The following RASAL2 variants were observed in gnomAD, a reference collection of about 807,000 sequenced individuals.
RASAL2 encodes the protein ras GTPase-activating protein nGAP.
RASAL2 carries 58 observed loss-of-function variants against 128.9 expected under a neutral mutation model. The observed-to-expected ratio is 0.45, with a 90% CI of 0.36 to 0.56. RASAL2 has a LOEUF of 0.56. RASAL2 is among the 20% of genes least tolerant of loss of function. The pLI, the probability that RASAL2 is intolerant of heterozygous loss-of-function variation, is 0.00. For synonymous variants in RASAL2, 561 were observed against 580.8 expected, an observed-to-expected ratio of 0.97 and a Z score of 0.49; for missense variants, 1,360 against 1,601.6, an observed-to-expected ratio of 0.85 and a Z score of 2.57.
chr1:178,212,629 C>A (rs891005549), intron 1 of RASAL2, among the ~76,000 whole-genome samples: 2 of 151,966 alleles, frequency 1.3e-5, no homozygotes, highest in Non-Finnish European at 2.9e-5. Context: ...GTAGGTGGGA[C>A]TACAGGTATG....
Position 178,332,696 on chromosome 1 carries a change from C to T in RASAL2, c.457+32578C>T, listed in dbSNP as rs1201888793. ...GCGCGATCTTGGCTCACTGCAAGCT[C>T]CACCTCCCGGGTTCACGCCATTCTC... On this transcript the variant is annotated intron_variant, in intron 3 of 17. Transcript: ENST00000367649. Among the ~76,000 whole-genome samples, 24 of 150,354 alleles carry T rather than the reference C, an allele frequency of 1.6e-4. No individual in the cohort carries two copies. In the South Asian group the frequency reaches 3.8e-3, roughly 24 times the overall value.
rs934550575 is a variant in RASAL2, at chr1:178,345,831, G to A, written c.458-44269G>A. Reference sequence around the variant, plus strand: ...TTGAGTTTGTTCAGTCAAAGGACAAGGGAAGATGTGATAAGTCTATTAACA... The same window carrying A: ...TTGAGTTTGTTCAGTCAAAGGACAAAGGAAGATGTGATAAGTCTATTAACA... On this transcript the variant is annotated intron_variant, in intron 3 of 17. Coordinates refer to ENST00000367649, the MANE Select transcript of RASAL2 (RefSeq NM_170692.4). 2.7e-4 allele frequency among the ~76,000 whole-genome samples: 41 copies of A among 152,180 alleles called. 1 individual carries two copies. Among genetic ancestry groups the A allele is most frequent in the Non-Finnish European group, 1.0e-4 (7 of 68,032 alleles).
intron 3 of RASAL2, among the ~76,000 whole-genome samples, chr1:178,354,840 G>T (rs1670716707): frequency 6.6e-6 from 1 of 152,186 alleles, no homozygotes; most frequent in South Asian, 2.1e-4. Flanking sequence ...CTACGTTTCT[G>T]GAGTTGGAAA....
chr1:178,128,100 C>T (rs1050185831), intron 1 of RASAL2, among the ~76,000 whole-genome samples: 3 of 152,176 alleles, frequency 2.0e-5, no homozygotes, highest in East Asian at 1.9e-4. Flanking sequence ...TTCATCAACC[C>T]GGTTCTTCTG....
chr1:178,398,057 AAAT>A (rs1189401795), intron 4 of RASAL2, among the ~76,000 whole-genome samples: 2 of 152,058 alleles, frequency 1.3e-5, no homozygotes, highest in Non-Finnish European at 2.9e-5. Context: ...TTATAAATTG[AAAT>A]AATGTTTTAG....
intron 2 of RASAL2, among the ~76,000 whole-genome samples, chr1:178,284,565 A>T (rs1000241413): frequency 7.2e-5 from 11 of 152,194 alleles, no homozygotes; most frequent in Non-Finnish European, 1.2e-4. Context: ...AAAAACTCTT[A>T]AACTTATCAC....
chr1:178,357,835 A>G (rs1670890681), intron 3 of RASAL2, among the ~76,000 whole-genome samples: 1 of 152,124 alleles, frequency 6.6e-6, no homozygotes, highest in African/African-American at 2.4e-5. Flanking sequence ...AGTTTATTTG[A>G]CTACTGTATA....
intron 1 of RASAL2, among the ~76,000 whole-genome samples, chr1:178,108,080 A>C (rs144762030): frequency 6.6e-6 from 1 of 152,170 alleles, no homozygotes; most frequent in Non-Finnish European, 1.5e-5. Flanking sequence ...CCAGCAATGC[A>C]CGAGGGTTCC....
rs142676729 is a variant in RASAL2 at position 178,307,340 on chromosome 1, A to G, written c.457+7222A>G. Among the ~76,000 whole-genome samples the G allele has an allele frequency of 2.3e-3, 343 of 152,302 alleles. 5 individuals are homozygous for G. Among genetic ancestry groups the G allele is most frequent in the African/African-American group, 7.9e-3 (327 of 41,562 alleles). ...CTTAAGGCATGTGTGCATCATGTCT[A>G]AAGTACCCACTTCCAGATTTAGAAA... On this transcript the variant is annotated intron_variant, in intron 3 of 17. Transcript: ENST00000367649.
intron 1 of RASAL2, among the ~76,000 whole-genome samples, chr1:178,227,192 G>GT (rs1434674020): frequency 6.7e-6 from 1 of 149,718 alleles, no homozygotes; most frequent in Admixed American, 6.7e-5. Flanking sequence ...CAAACTTCCA[G>GT]TTTAAAAAAA....
intron 3 of RASAL2, among the ~76,000 whole-genome samples, chr1:178,302,721 T>G (rs1482619706): frequency 6.6e-6 from 1 of 152,154 alleles, no homozygotes; most frequent in Non-Finnish European, 1.5e-5. Flanking sequence ...GTGAGAAGAC[T>G]TAATTACTAG....
intron 5 of RASAL2, among the ~76,000 whole-genome samples, chr1:178,424,694 T>C (rs1364321245): frequency 5.3e-5 from 8 of 152,100 alleles, no homozygotes; most frequent in Admixed American, 5.2e-4. Context: ...ACTCCTGGGC[T>C]CAAGTGATTT....
intron 9 of RASAL2, among the ~76,000 whole-genome samples, chr1:178,447,158 T>G (rs965056102): frequency 6.6e-6 from 1 of 152,044 alleles, no homozygotes; most frequent in African/African-American, 2.4e-5. Flanking sequence ...CTTAGCAGAC[T>G]GATTAAGACG....
At chr1:178,444,724 A>C (rs577690703) in intron 8 of RASAL2, among the ~76,000 whole-genome samples, 6 of 152,184 alleles carry the variant, frequency 3.9e-5, no homozygotes, top group Non-Finnish European at 8.8e-5. Flanking sequence ...GGCAGACAGA[A>C]AGATAGCCTA....
At chr1:178,228,115 T>G (rs1289331788) in intron 1 of RASAL2, among the ~76,000 whole-genome samples, 1 of 152,228 alleles carries the variant, frequency 6.6e-6, no homozygotes, top group Non-Finnish European at 1.5e-5. Flanking sequence ...AATTAAATTT[T>G]AGCTAGCCGT....
At chr1:178,354,880 T>C (rs760457360) in intron 3 of RASAL2, among the ~76,000 whole-genome samples, 1 of 152,244 alleles carries the variant, frequency 6.6e-6, no homozygotes, top group African/African-American at 2.4e-5. Flanking sequence ...ACTTTTACCC[T>C]AAATTCCTTT....
chr1:178,404,225 CAA>C (rs547639078), intron 4 of RASAL2, among the ~76,000 whole-genome samples: 14 of 57,114 alleles, frequency 2.5e-4, no homozygotes, highest in Admixed American at 3.8e-4. Context: ...GACCCCGTCT[CAA>C]AAAAAAAAAA....
rs1198751628 is a variant in RASAL2 at position 178,443,243 on chromosome 1, G to T, written c.1482+14G>T. 6.4e-7 allele frequency: 1 copy of T among 1,574,332 alleles called. No individual in the cohort carries two copies. The highest frequency in any genetic ancestry group is 8.7e-7 in the Non-Finnish European group (1 of 1,149,474). On this transcript the variant is annotated intron_variant, in intron 8 of 17. Coordinates refer to ENST00000367649, the MANE Select transcript of RASAL2 (RefSeq NM_170692.4). ...GGCAGAGCCAAGGTAAGTGGAAAAGGGGGATTGCAGTACCTGAAGTCTCTT... is the reference window on the plus strand; with the variant it reads ...GGCAGAGCCAAGGTAAGTGGAAAAGTGGGATTGCAGTACCTGAAGTCTCTT...
chr1:178,470,674 C>A (rs1413280546), intron 17 of RASAL2: 1 of 1,364,434 alleles, frequency 7.3e-7, no homozygotes. Flanking sequence ...AGTGATATCT[C>A]CGCTGTGTTA....
Sources: gnomAD v4.1 joint callset for allele counts (sites outside exome capture counted in the v4.1 genomes callset) on GRCh38, gnomAD v4.1.1 for gene constraint, MANE v1.5 for transcripts, NCBI Gene and HGNC (gene_info 2026-07-23, HGNC 2026-07-21) for gene names.